Variants in ADGRL3 observed in about 807,000 individuals in gnomAD.
The protein encoded by ADGRL3 is adhesion G protein-coupled receptor L3, also known as calcium-independent alpha-latrotoxin receptor 3.
In ADGRL3, 62 loss-of-function variants were observed where a neutral mutation model predicts 153.5. That is an observed-to-expected ratio of 0.40 (90% CI 0.33 to 0.50). ADGRL3 has a LOEUF of 0.50. ADGRL3 is among the 20% of genes least tolerant of loss of function. The pLI, the probability that ADGRL3 is intolerant of heterozygous loss-of-function variation, is 0.47. For missense variants in ADGRL3, 1,641 were observed against 1,859.4 expected, an observed-to-expected ratio of 0.88 and a Z score of 2.16; for synonymous variants, 710 against 672.5, an observed-to-expected ratio of 1.06 and a Z score of -0.86.
chr4:61,870,770 G>A lies in ADGRL3; in HGVS notation c.1481-21886G>A, dbSNP rs553887354. Reference sequence around the variant, plus strand: ...CCACTTCAAAATCACTAGATGACCTGTAATCAAAATGACAGATAACTTTAA... The same window carrying A: ...CCACTTCAAAATCACTAGATGACCTATAATCAAAATGACAGATAACTTTAA... On this transcript the variant is annotated intron_variant, in intron 9 of 26. Transcript: ENST00000683033. 4.6e-5 allele frequency among the ~76,000 whole-genome samples: 7 copies of A among 152,244 alleles called. No homozygotes were observed. In the East Asian group the frequency reaches 1.2e-3, roughly 25 times the overall value.
intron 2 of ADGRL3, among the ~76,000 whole-genome samples, chr4:61,409,057 C>A (rs1234966469): frequency 2.0e-5 from 3 of 150,874 alleles, no homozygotes; most frequent in African/African-American, 7.3e-5. Context: ...GCATATTCTG[C>A]CCCAGGACTA....
intron 5 of ADGRL3, among the ~76,000 whole-genome samples, chr4:61,654,226 T>C (rs944587195): frequency 1.8e-4 from 28 of 152,316 alleles, no homozygotes; most frequent in Admixed American, 3.3e-4. Context: ...GTTTTTGTAA[T>C]ATCTCTGATA....
In ADGRL3 at chr4:61,202,387, G is replaced by GTC. The variant is rs1735131396; in HGVS notation, c.-240+625_-240+626dup. Among the ~76,000 whole-genome samples, 1 of 152,204 alleles carries GTC rather than the reference G, an allele frequency of 6.6e-6. No homozygotes were observed. The highest frequency in any genetic ancestry group is 2.4e-5 in the African/African-American group (1 of 41,470). ...TGCCTCCCCGCGCCCTGCCTGTTGT[G>GTC]TCTCCTTCACGGCAGTTTGGTTTAG... On this transcript the variant is annotated intron_variant, in intron 1 of 26. Coordinates refer to ENST00000683033, the MANE Select transcript of ADGRL3 (RefSeq NM_001387552.1). The surrounding 1 kb of genome is among the most constrained non-coding windows in gnomAD (Gnocchi z 5.0).
At chr4:61,733,796 G>T (rs901456052) in intron 8 of ADGRL3, among the ~76,000 whole-genome samples, 1 of 152,138 alleles carries the variant, frequency 6.6e-6, no homozygotes, top group Non-Finnish European at 1.5e-5. Context: ...CTTCTTCTTT[G>T]AAGGGTGTTT....
intron 6 of ADGRL3, among the ~76,000 whole-genome samples, chr4:61,698,021 G>A (rs1049819066): frequency 6.6e-6 from 1 of 152,098 alleles, no homozygotes; most frequent in Admixed American, 6.5e-5. Context: ...ATTAGGAATT[G>A]GGAGCCATGG....
chr4:61,327,628 C>T (rs2095492224), intron 1 of ADGRL3, among the ~76,000 whole-genome samples: 4 of 151,766 alleles, frequency 2.6e-5, no homozygotes, highest in African/African-American at 9.7e-5. Flanking sequence ...AGTTGAAATT[C>T]TAGGATTGGA....
At chr4:61,501,415 C>T (rs1430810195) in intron 3 of ADGRL3, among the ~76,000 whole-genome samples, 1 of 152,092 alleles carries the variant, frequency 6.6e-6, no homozygotes. Flanking sequence ...TTTTCCCCTG[C>T]TCCTTTCTTA....
intron 8 of ADGRL3, among the ~76,000 whole-genome samples, chr4:61,809,134 C>A (rs2097581297): frequency 6.6e-6 from 1 of 151,980 alleles, no homozygotes; most frequent in South Asian, 2.1e-4. Context: ...GCCTGGAGGA[C>A]CATCAGCTAT....
chr4:61,680,264 A>T lies in ADGRL3; in HGVS notation c.583+3329A>T, dbSNP rs2095305507. 2.0e-5 allele frequency among the ~76,000 whole-genome samples: 3 copies of T among 151,832 alleles called. No homozygotes were observed. The South Asian group carries it at 6.2e-4, about 32-fold the overall frequency. Reference sequence around the variant, plus strand: ...CGAACAGTGTTAGGTTCTGTTTGTTATACAATTTAGTAATATCCATTTCCA... The same window carrying T: ...CGAACAGTGTTAGGTTCTGTTTGTTTTACAATTTAGTAATATCCATTTCCA... On this transcript the variant is annotated intron_variant, in intron 6 of 26. Transcript: ENST00000683033.
intron 9 of ADGRL3, among the ~76,000 whole-genome samples, chr4:61,844,285 C>T (rs964473904): frequency 1.3e-5 from 2 of 150,594 alleles, no homozygotes; most frequent in South Asian, 2.1e-4. Context: ...CGGTGGCTCA[C>T]GCCTGTAATC....
chr4:61,367,177 C>A (rs1052741915), intron 1 of ADGRL3, among the ~76,000 whole-genome samples: 3 of 151,476 alleles, frequency 2.0e-5, no homozygotes, highest in Non-Finnish European at 1.5e-5. Context: ...AAGAAAATAG[C>A]AAATTTGGGA....
intron 13 of ADGRL3, among the ~76,000 whole-genome samples, chr4:61,929,852 T>C (rs545027846): frequency 5.0e-4 from 76 of 152,212 alleles, no homozygotes; most frequent in African/African-American, 1.6e-3. Flanking sequence ...ATATTTGAGA[T>C]AAAACCTGAA....
chr4:61,618,228 T>C (rs1008425382), intron 5 of ADGRL3, among the ~76,000 whole-genome samples: 4 of 152,162 alleles, frequency 2.6e-5, no homozygotes, highest in Admixed American at 6.5e-5. Context: ...TCTCTGAGAT[T>C]GGAAATAGAA....
At chr4:61,975,247 T>C (rs182061328) in intron 17 of ADGRL3, among the ~76,000 whole-genome samples, 2 of 152,272 alleles carry the variant, frequency 1.3e-5, no homozygotes, top group South Asian at 2.1e-4. Flanking sequence ...TATTTTTAGA[T>C]ACGATGACTC....
At chr4:61,811,989 A>G (rs761244288) in intron 8 of ADGRL3, among the ~76,000 whole-genome samples, 8 of 152,164 alleles carry the variant, frequency 5.3e-5, no homozygotes, top group Non-Finnish European at 1.2e-4. Flanking sequence ...ATTACATACG[A>G]TATTACGATA....
At position 61,464,218 on chromosome 4, in the gene ADGRL3, C is replaced by G. The variant is rs1320068342; in HGVS notation, c.-173-32903C>G. ...AAGTAGCGTTATCCTCATATAATTC[C>G]CTAACACATCAGTTGCTTTGGAACA... On this transcript the variant is annotated intron_variant, in intron 2 of 26. Transcript: ENST00000683033. Among the ~76,000 whole-genome samples the G allele has an allele frequency of 3.9e-5, 6 of 152,254 alleles. No individual in the cohort carries two copies. The South Asian group carries it at 1.2e-3, about 32-fold the overall frequency.
In ADGRL3 at chr4:61,411,944, A is replaced by G. The variant is rs888929022; in HGVS notation, c.-174+28755A>G. ...TTTTGAAACTTTTCTTCTTGTTTAG[A>G]TGAAAAGTTAACAATGTGTTAACCC... On this transcript the variant is annotated intron_variant, in intron 2 of 26. Coordinates refer to ENST00000683033, the MANE Select transcript of ADGRL3 (RefSeq NM_001387552.1). 1.1e-3 allele frequency among the ~76,000 whole-genome samples: 169 copies of G among 152,338 alleles called. 2 individuals carry two copies. The highest frequency in any genetic ancestry group is 2.2e-4 in the Non-Finnish European group (15 of 68,034).
chr4:61,324,947 A>T (rs1267747987), intron 1 of ADGRL3, among the ~76,000 whole-genome samples: 2 of 152,232 alleles, frequency 1.3e-5, no homozygotes, highest in East Asian at 3.9e-4. Flanking sequence ...AAATTATTAA[A>T]GCACCAAATA....
chr4:61,903,691 G>T (rs1432788071), intron 11 of ADGRL3, among the ~76,000 whole-genome samples: 1 of 128,180 alleles, frequency 7.8e-6, no homozygotes, highest in Non-Finnish European at 1.6e-5. Flanking sequence ...AAAGAATAGA[G>T]GGTCAGAAAA....
Sources: allele counts gnomAD v4.1 joint callset (sites outside exome capture counted in the v4.1 genomes callset), GRCh38; gene constraint gnomAD v4.1.1; non-coding constraint Gnocchi (gnomAD v3.1); transcripts MANE v1.5; gene names NCBI Gene and HGNC (gene_info 2026-07-23, HGNC 2026-07-21).